The following BRINP3 variants were observed in gnomAD, a reference collection of about 807,000 sequenced individuals.
The protein encoded by BRINP3 is BMP/retinoic acid inducible neural specific 3, also known as BMP/retinoic acid-inducible neural-specific protein 3.
BRINP3 carries 19 observed loss-of-function variants against 71.0 expected under a neutral mutation model. That is an observed-to-expected ratio of 0.27 (90% CI 0.19 to 0.39). BRINP3 has a LOEUF of 0.39. Among genes scored for constraint, BRINP3 ranks in the 10% least tolerant of loss-of-function variants. The probability of loss-of-function intolerance (pLI) is 1.00; values close to 1 mark genes in which losing one functional copy is unlikely to be tolerated. For synonymous variants in BRINP3, 380 were observed against 337.7 expected (o/e 1.13, Z -1.37); for missense variants, 959 against 940.8 (o/e 1.02, Z -0.25).
chr1:190,234,423 A>T lies in BRINP3; in HGVS notation c.673T>A (p.Ser225Thr), dbSNP rs758570349. The T allele has an allele frequency of 6.2e-7, 1 of 1,612,752 alleles. No homozygotes were observed. Among genetic ancestry groups the T allele is most frequent in the Non-Finnish European group, 8.5e-7 (1 of 1,179,198 alleles). Residue 225 changes from serine to threonine, a missense_variant, in exon 5 of 8, where the codon TCT becomes ACT. Transcript: ENST00000367462. ...LGCSNYDNLDSVSSVLVQSPE... is the reference protein window; with the variant it reads ...LGCSNYDNLDTVSSVLVQSPE... The stretch of plus-strand genomic sequence containing the variant: ...CTCTGAACCAGAACAGAACTGACAG[A>T]ATCTAGGTTGTCATAGTTACTGCAG...
At chr1:190,465,764 G>A (rs1479853784) in intron 1 of BRINP3, among the ~76,000 whole-genome samples, 2 of 151,640 alleles carry the variant, frequency 1.3e-5, no homozygotes, top group African/African-American at 2.4e-5. Context: ...CCTTGAATAA[G>A]GTCTATCCCA....
chr1:190,178,117 T>TACCAAGAG (rs1321366453), intron 6 of BRINP3, among the ~76,000 whole-genome samples: 1 of 152,164 alleles, frequency 6.6e-6, no homozygotes, highest in Non-Finnish European at 1.5e-5. Context: ...AACCCCTGGA[T>TACCAAGAG]ACCAAGAGAC....
chr1:190,447,768 A>G (rs1246324757), intron 2 of BRINP3, among the ~76,000 whole-genome samples: 1 of 151,428 alleles, frequency 6.6e-6, no homozygotes, highest in Non-Finnish European at 1.5e-5. Context: ...TCATTATTTT[A>G]ACTCTATTTT....
At chr1:190,225,276 G>T (rs1204024604) in intron 6 of BRINP3, among the ~76,000 whole-genome samples, 1 of 151,886 alleles carries the variant, frequency 6.6e-6, no homozygotes, top group East Asian at 1.9e-4. Context: ...TATACACAAT[G>T]GAATATTATT....
intron 2 of BRINP3, among the ~76,000 whole-genome samples, chr1:190,366,489 C>G (rs1180459079): frequency 6.6e-6 from 1 of 152,148 alleles, no homozygotes; most frequent in Non-Finnish European, 1.5e-5. Context: ...GAGGACACAG[C>G]CAAATTATAT....
chr1:190,464,739 T>C (rs1676626036), intron 1 of BRINP3, among the ~76,000 whole-genome samples: 1 of 152,130 alleles, frequency 6.6e-6, no homozygotes, highest in Non-Finnish European at 1.5e-5. Flanking sequence ...TCAAAATAAC[T>C]GAGCTTCCTT....
Position 190,144,947 on chromosome 1 carries a change from C to A in BRINP3, c.1184+15721G>T, listed in dbSNP as rs996068041. 5.3e-5 allele frequency among the ~76,000 whole-genome samples: 8 copies of A among 152,160 alleles called. 1 individual carries two copies. Among genetic ancestry groups the A allele is most frequent in the Admixed American group, 3.9e-4 (6 of 15,256 alleles). ...TGGCATACTGCATTCTCACCTTCTT[C>A]ATATCTTTGCAGACAGTCTTGTTTA... On this transcript the variant is annotated intron_variant, in intron 7 of 7. Coordinates refer to ENST00000367462, the MANE Select transcript of BRINP3 (RefSeq NM_199051.3).
intron 3 of BRINP3, among the ~76,000 whole-genome samples, chr1:190,276,829 G>A (rs1199358974): frequency 6.7e-6 from 1 of 150,306 alleles, no homozygotes; most frequent in African/African-American, 2.4e-5. Flanking sequence ...CTTAAGTTTA[G>A]CCATAGAGTA....
rs964544086 is a variant in BRINP3 at position 190,427,499 on chromosome 1, T to C, written c.236+27156A>G. 3.3e-5 allele frequency among the ~76,000 whole-genome samples: 5 copies of C among 151,988 alleles called. No homozygotes were observed. The East Asian group carries it at 9.6e-4, about 29-fold the overall frequency. Reference sequence around the variant, plus strand: ...ATGTAAATCACATTTCTGAAACAAGTTTTTATTTGAAATGCACAGGGAAAT... The same window carrying C: ...ATGTAAATCACATTTCTGAAACAAGCTTTTATTTGAAATGCACAGGGAAAT... On this transcript the variant is annotated intron_variant, in intron 2 of 7. Coordinates refer to ENST00000367462, the MANE Select transcript of BRINP3 (RefSeq NM_199051.3).
intron 6 of BRINP3, among the ~76,000 whole-genome samples, chr1:190,211,549 A>T (rs1393431926): frequency 6.6e-6 from 1 of 152,100 alleles, no homozygotes; most frequent in Non-Finnish European, 1.5e-5. Flanking sequence ...ATGATAGGTA[A>T]TGTATCTTCT....
chr1:190,257,488 G>A (rs752419237), intron 4 of BRINP3, among the ~76,000 whole-genome samples: 1 of 151,634 alleles, frequency 6.6e-6, no homozygotes, highest in Non-Finnish European at 1.5e-5. Flanking sequence ...GCCTACTTCA[G>A]AGTTATTCTC....
chr1:190,252,446 C>T (rs899970904), intron 4 of BRINP3, among the ~76,000 whole-genome samples: 1 of 152,106 alleles, frequency 6.6e-6, no homozygotes, highest in African/African-American at 2.4e-5. Flanking sequence ...CTCCACTACA[C>T]TGAAGCAGAA....
At chr1:190,251,009 G>C (rs1660087335) in intron 4 of BRINP3, among the ~76,000 whole-genome samples, 1 of 151,744 alleles carries the variant, frequency 6.6e-6, no homozygotes, top group African/African-American at 2.4e-5. Context: ...TTGAGGCCAG[G>C]AGTTTGAGAC....
At chr1:190,408,436 A>G (rs1672449398) in intron 2 of BRINP3, among the ~76,000 whole-genome samples, 1 of 152,122 alleles carries the variant, frequency 6.6e-6, no homozygotes, top group Admixed American at 6.5e-5. Context: ...GTAATTATGA[A>G]TAATATACAA....
chr1:190,396,836 A>C (rs1343657207), intron 2 of BRINP3, among the ~76,000 whole-genome samples: 1 of 150,420 alleles, frequency 6.6e-6, no homozygotes, highest in Non-Finnish European at 1.5e-5. Context: ...CAAATGGGGA[A>C]GAAAAGGACA....
At chr1:190,264,286 G>C (rs1661457476) in intron 4 of BRINP3, among the ~76,000 whole-genome samples, 1 of 151,864 alleles carries the variant, frequency 6.6e-6, no homozygotes, top group African/African-American at 2.4e-5. Context: ...TGTATTCAAA[G>C]TCAAATGACT....
chr1:190,260,825 T>A (rs927564200), intron 4 of BRINP3, among the ~76,000 whole-genome samples: 1 of 152,098 alleles, frequency 6.6e-6, no homozygotes, highest in Non-Finnish European at 1.5e-5. Flanking sequence ...TGGATTTTTT[T>A]AAGCTGAAAT....
At chr1:190,158,437 C>T (rs1657052574) in intron 7 of BRINP3, among the ~76,000 whole-genome samples, 1 of 151,922 alleles carries the variant, frequency 6.6e-6, no homozygotes, top group Non-Finnish European at 1.5e-5. Flanking sequence ...CATAAACATG[C>T]TAAAGTAGAC....
At chr1:190,160,931 T>G in intron 6 of BRINP3, 41 bp from the exon 7 acceptor site, 2 of 1,442,098 alleles carry the variant, frequency 1.4e-6, no homozygotes, top group Non-Finnish European at 1.9e-6. Flanking sequence ...TATGAAACAA[T>G]TATTTTTTGT....
Sources: gnomAD v4.1 joint callset for allele counts (sites outside exome capture counted in the v4.1 genomes callset) on GRCh38, gnomAD v4.1.1 for gene constraint, MANE v1.5 for transcripts, NCBI Gene and HGNC (gene_info 2026-07-23, HGNC 2026-07-21) for gene names.